GALNT13: variants seen among roughly 807,000 people sequenced by gnomAD.
GALNT13 encodes UDP-GalNAc:polypeptide N-acetylgalactosaminyltransferase 13.
A neutral mutation model predicts 64.2 loss-of-function variants in GALNT13; 28 were observed. That is an observed-to-expected ratio of 0.44 (90% CI 0.32 to 0.60). The LOEUF is 0.60. Among genes scored for constraint, GALNT13 ranks in the 20% least tolerant of loss-of-function variants. The pLI is 0.05. For missense variants in GALNT13, 577 were observed against 669.8 expected (o/e 0.86, Z 1.53); for synonymous variants, 214 against 224.6 (o/e 0.95, Z 0.42).
At chr2:153,839,355 A>G in the GALNT13 span, among the ~76,000 whole-genome samples, 1 of 151,932 alleles carries the variant, frequency 6.6e-6, no homozygotes, top group Non-Finnish European at 1.5e-5. Flanking sequence ...GAGGAAAAGT[A>G]TTCAGGTTTT....
intron 3 of GALNT13, among the ~76,000 whole-genome samples, chr2:154,038,672 A>G (rs530578722): frequency 7.9e-5 from 12 of 152,262 alleles, no homozygotes; most frequent in Non-Finnish European, 1.6e-4. Flanking sequence ...AGAAGAAAAC[A>G]TAGGAGTAAT....
intron 4 of GALNT13, among the ~76,000 whole-genome samples, chr2:154,230,587 G>T (rs1419411925): frequency 6.6e-6 from 1 of 152,002 alleles, no homozygotes; most frequent in African/African-American, 2.4e-5. Context: ...GATAAACAGG[G>T]TGTTTTAAAA....
At chr2:153,682,260 C>T in the GALNT13 span, among the ~76,000 whole-genome samples, 2 of 151,670 alleles carry the variant, frequency 1.3e-5, no homozygotes, top group South Asian at 2.1e-4. Context: ...TTTTCAGTCT[C>T]CAATTTCTTT....
At chr2:154,446,571 C>A in intron 12 of GALNT13, 2 of 1,539,670 alleles carry the variant, frequency 1.3e-6, no homozygotes, top group Non-Finnish European at 1.8e-6. Context: ...CAAACAGACC[C>A]ACACTCTTCT....
chr2:153,256,132 A>G, the GALNT13 span, among the ~76,000 whole-genome samples: 31 of 152,110 alleles, frequency 2.0e-4, no homozygotes, highest in African/African-American at 7.5e-4. Context: ...GTCTTTTCAC[A>G]TAGTCCCATA....
intron 4 of GALNT13, among the ~76,000 whole-genome samples, chr2:154,226,202 T>G (rs1219513979): frequency 1.3e-5 from 2 of 152,140 alleles, no homozygotes; most frequent in Non-Finnish European, 2.9e-5. Context: ...TGTATCGTTT[T>G]CTGAGCTCCA....
intron 8 of GALNT13, among the ~76,000 whole-genome samples, chr2:154,269,930 A>ATATATATATAT (rs1553506263): frequency 2.8e-5 from 4 of 142,858 alleles, no homozygotes; most frequent in South Asian, 2.2e-4. Flanking sequence ...ATATATTTCT[A>ATATATATATAT]AAGCACAGGG....
intron 3 of GALNT13, among the ~76,000 whole-genome samples, chr2:154,022,619 A>G (rs1488259748): frequency 6.6e-6 from 1 of 151,844 alleles, no homozygotes; most frequent in Non-Finnish European, 1.5e-5. Context: ...GCGGTCTATC[A>G]ATTTTGTTGA....
At chr2:153,959,104 A>C (rs541881569) in intron 3 of GALNT13, among the ~76,000 whole-genome samples, 1 of 152,388 alleles carries the variant, frequency 6.6e-6, no homozygotes, top group Admixed American at 6.5e-5. Context: ...AGGCAAGACC[A>C]ATATTCCCCT....
At chr2:153,837,993 T>A in the GALNT13 span, among the ~76,000 whole-genome samples, 1 of 152,074 alleles carries the variant, frequency 6.6e-6, no homozygotes, top group Non-Finnish European at 1.5e-5. Flanking sequence ...TCTCGTTGTT[T>A]TGATTTGCAA....
intron 4 of GALNT13, among the ~76,000 whole-genome samples, chr2:154,182,697 A>C (rs1686029554): frequency 6.7e-6 from 1 of 148,862 alleles, no homozygotes; most frequent in Admixed American, 6.7e-5. Context: ...TATTTATTAT[A>C]TTTGTATAAC....
chr2:153,311,195 T>A, the GALNT13 span, among the ~76,000 whole-genome samples: 1 of 152,180 alleles, frequency 6.6e-6, no homozygotes, highest in African/African-American at 2.4e-5. Flanking sequence ...GAAGTTCATA[T>A]ACAGTGCAAG....
chr2:153,292,376 CAT>C, the GALNT13 span, among the ~76,000 whole-genome samples: 1 of 152,172 alleles, frequency 6.6e-6, no homozygotes. Flanking sequence ...TGCTGGGAAT[CAT>C]GTTAAAAGCT....
At chr2:154,348,646 A>G (rs575257339) in intron 9 of GALNT13, among the ~76,000 whole-genome samples, 71 of 152,112 alleles carry the variant, frequency 4.7e-4, no homozygotes, top group Non-Finnish European at 6.9e-4. Context: ...CTCATGTGCT[A>G]TCACTTGCTT....
At chr2:154,090,027 T>A (rs893316715) in intron 3 of GALNT13, among the ~76,000 whole-genome samples, 5 of 152,078 alleles carry the variant, frequency 3.3e-5, no homozygotes, top group Non-Finnish European at 7.4e-5. Context: ...TTGTCATGAG[T>A]GTGCCTTGCG....
chr2:153,884,673 C>T (rs1308351146), intron 1 of GALNT13, among the ~76,000 whole-genome samples: 2 of 150,606 alleles, frequency 1.3e-5, no homozygotes, highest in African/African-American at 4.9e-5. Flanking sequence ...AATCCCAGCA[C>T]TTTTGGAGGC....
At chr2:153,948,829 G>T (rs190716310) in intron 3 of GALNT13, among the ~76,000 whole-genome samples, 110 of 152,066 alleles carry the variant, frequency 7.2e-4, no homozygotes, top group Middle Eastern at 3.4e-3. Context: ...ACGTAGACAG[G>T]AACAAAACAC....
At chr2:153,522,334 A>C in the GALNT13 span, among the ~76,000 whole-genome samples, 2 of 151,710 alleles carry the variant, frequency 1.3e-5, no homozygotes, top group African/African-American at 2.4e-5. Flanking sequence ...CTCTGTCTCA[A>C]GGAGAAAAAA....
the GALNT13 span, among the ~76,000 whole-genome samples, chr2:153,520,277 A>G: frequency 6.6e-6 from 1 of 152,188 alleles, no homozygotes; most frequent in Non-Finnish European, 1.5e-5. Flanking sequence ...AAATAATACA[A>G]ACACTAAGCA....
Sources: allele counts gnomAD v4.1 joint callset (sites outside exome capture counted in the v4.1 genomes callset), GRCh38; gene constraint gnomAD v4.1.1; transcripts MANE v1.5; gene names NCBI Gene and HGNC (gene_info 2026-07-23, HGNC 2026-07-21).